The following MANEAL variants were observed in gnomAD, a reference collection of about 807,000 sequenced individuals.
The protein encoded by MANEAL is glycoprotein endo-alpha-1,2-mannosidase-like protein.
MANEAL carries 28 observed loss-of-function variants against 35.9 expected under a neutral mutation model. That is an observed-to-expected ratio of 0.78 (90% CI 0.58 to 1.07). MANEAL has a LOEUF of 1.07. MANEAL is among the 50% of genes least tolerant of loss of function. The pLI, the probability that MANEAL is intolerant of heterozygous loss-of-function variation, is 0.00. For synonymous variants in MANEAL, 286 were observed against 272.2 expected (o/e 1.05, Z -0.50); for missense variants, 576 against 629.6 (o/e 0.91, Z 0.91).
Position 37,794,032 on chromosome 1 carries a change from A to T in MANEAL, c.-151A>T. 1 of 317,868 alleles carries T rather than the reference A, an allele frequency of 3.1e-6. No individual in the cohort carries two copies. The highest frequency in any genetic ancestry group is 4.7e-6 in the Non-Finnish European group (1 of 213,248). The allele number at this position is 317,868 out of a possible 1,614,324, so 19.7% of individuals were successfully genotyped here. ...CGCGCCGCCTGCGTCCTGTGTGCCG[A>T]GCCCGCCCGCACTGCGGGGACAGGC... On this transcript the variant is annotated 5_prime_UTR_variant, in exon 1 of 4. Coordinates refer to ENST00000373045, the MANE Select transcript of MANEAL (RefSeq NM_001113482.2). This position sits in a 1 kb window ranked among gnomAD's most constrained non-coding sequence, Gnocchi z 5.7.
rs957305803 is a variant in MANEAL at position 37,800,304 on chromosome 1, G to A, written c.*101G>A. On this transcript the variant is annotated 3_prime_UTR_variant, in exon 4 of 4. Transcript: ENST00000373045. The stretch of plus-strand genomic sequence containing the variant: ...GTTGTAGCCACTCACTCGTTCCCAG[G>A]TCAGAGGTCAGCAGATGGGTGTTTC... The A allele has an allele frequency of 1.4e-6, 2 of 1,412,842 alleles. No homozygotes were observed. The highest frequency in any genetic ancestry group is 2.0e-5 in the Admixed American group (1 of 50,218). The allele number at this position is 1,412,842 out of a possible 1,614,324, so 87.5% of individuals were successfully genotyped here.
chr1:37,800,294 T>C lies in MANEAL; in HGVS notation c.*91T>C. 6.7e-7 allele frequency: 1 copy of C among 1,487,832 alleles called. No individual in the cohort carries two copies. The highest frequency in any genetic ancestry group is 9.1e-7 in the Non-Finnish European group (1 of 1,101,832). The allele number at this position is 1,487,832 out of a possible 1,614,324, so 92.2% of individuals were successfully genotyped here. On this transcript the variant is annotated 3_prime_UTR_variant, in exon 4 of 4. Transcript: ENST00000373045. ...TTCAGCTGAGGTTGTAGCCACTCAC[T>C]CGTTCCCAGGTCAGAGGTCAGCAGA...
intron 2 of MANEAL, 135 bp downstream of exon 2, chr1:37,795,981 T>C: frequency 1.4e-6 from 1 of 712,690 alleles, no homozygotes; most frequent in Middle Eastern, 2.6e-4. Flanking sequence ...GCAAGTGTGG[T>C]TTTGGGGGAG....
chr1:37,799,771 C>T lies in MANEAL; in HGVS notation c.942C>T (p.Ile314=), dbSNP rs772924478. The change falls in exon 4 of 4, where the codon ATC becomes ATT. Residue 314 remains isoleucine, a synonymous_variant. Transcript: ENST00000373045. The surrounding 1 kb of genome is among the most constrained non-coding windows in gnomAD (Gnocchi z 4.1). The part of the protein sequence containing the change: ...LLVEEGHTHD[I]LAAGFDGMYT... Reference sequence around the variant, plus strand: ...TGGAGGAGGGCCACACCCACGATATCCTGGCCGCCGGATTTGACGGCATGT... The same window carrying T: ...TGGAGGAGGGCCACACCCACGATATTCTGGCCGCCGGATTTGACGGCATGT... 3.1e-6 allele frequency: 5 copies of T among 1,614,218 alleles called. No homozygotes were observed. In the Admixed American group the frequency reaches 8.3e-5, roughly 27 times the overall value.
Position 37,794,487 on chromosome 1 carries a change from A to T in MANEAL, c.305A>T (p.Tyr102Phe), listed in dbSNP as rs376586909. The change falls in exon 1 of 4, where the codon TAC becomes TTC. Residue 102 changes from tyrosine (Y) to phenylalanine (F), a missense_variant. Physicochemically the swap from Tyr to Phe is conservative, Grantham distance 22 (BLOSUM62 3). Transcript: ENST00000373045. The surrounding 1 kb of genome is among the most constrained non-coding windows in gnomAD (Gnocchi z 5.7). ...GCCCCCGTGCAGAGCCTGCGCGTCTACTCGGACCTGCACGCCTTCTACTAC... is the reference window on the plus strand; with the variant it reads ...GCCCCCGTGCAGAGCCTGCGCGTCTTCTCGGACCTGCACGCCTTCTACTAC... ...EPAPVQSLRV[Y>F]SDLHAFYYSW... 6.6e-5 allele frequency: 106 copies of T among 1,601,696 alleles called. No individual in the cohort carries two copies. The highest frequency in any genetic ancestry group is 8.4e-5 in the Non-Finnish European group (99 of 1,175,630).
At chr1:37,795,619 G>C (rs999380993) in intron 1 of MANEAL, 118 bp from the exon 2 acceptor site, 31 of 1,540,880 alleles carry the variant, frequency 2.0e-5, no homozygotes, top group Non-Finnish European at 2.7e-5. Flanking sequence ...AACCTGGCAG[G>C]AGGCTTGCTT....
Position 37,801,106 on chromosome 1 carries a change from G to A in MANEAL, c.*903G>A, listed in dbSNP as rs1646695574. Reference sequence around the variant, plus strand: ...ATGTTCAGTGCTACTGTGATTAGTAGTAATTAAATATGAACTGGTATTCTC... The same window carrying A: ...ATGTTCAGTGCTACTGTGATTAGTAATAATTAAATATGAACTGGTATTCTC... On this transcript the variant is annotated 3_prime_UTR_variant, in exon 4 of 4. Coordinates refer to ENST00000373045, the MANE Select transcript of MANEAL (RefSeq NM_001113482.2). 1 of 152,636 alleles carries A rather than the reference G, an allele frequency of 6.6e-6. No individual in the cohort carries two copies. 9.5% of individuals were successfully genotyped at this position (152,636 alleles called of 1,614,324 possible). A position where few individuals can be genotyped will look rare whatever the true frequency, so the allele number is the denominator to read the frequency against.
In MANEAL at chr1:37,800,100, G is replaced by A. The variant is rs145850430; in HGVS notation, c.1271G>A (p.Arg424His). 47 of 1,613,618 alleles carry A rather than the reference G, an allele frequency of 2.9e-5. No homozygotes were observed. The highest frequency in any genetic ancestry group is 8.0e-5 in the African/African-American group (6 of 74,926). ...GCCATTCCCAAGAAGACACCCACCC[G>A]CCTGTATTTGGACTACCTGCCTCAC... ...EKAIPKKTPTRLYLDYLPHQP... is the reference protein window; with the variant it reads ...EKAIPKKTPTHLYLDYLPHQP... Residue 424 changes from arginine to histidine, a missense_variant, in exon 4 of 4, where the codon CGC (arginine) becomes CAC (histidine). Physicochemically the swap from Arg to His is conservative, Grantham distance 29 (BLOSUM62 0). This residue lies in a region of MANEAL where 449 missense variants were observed against 516.1 expected (regional missense o/e 0.87). Transcript: ENST00000373045.
chr1:37,795,971 G>A, intron 2 of MANEAL, 125 bp downstream of exon 2: 2 of 763,130 alleles, frequency 2.6e-6, no homozygotes, highest in South Asian at 3.6e-5. Context: ...CAAATATGTG[G>A]CAAGTGTGGT....
intron 3 of MANEAL, among the ~76,000 whole-genome samples, chr1:37,797,988 G>GA (rs916034044): frequency 8.7e-5 from 13 of 148,922 alleles, no homozygotes; most frequent in Admixed American, 2.0e-4. Context: ...CATCTCTACT[G>GA]AAAAAAAAAA....
At chr1:37,795,902 C>T in intron 2 of MANEAL, 56 bp downstream of exon 2, 1 of 1,492,888 alleles carries the variant, frequency 6.7e-7, no homozygotes, top group Non-Finnish European at 9.3e-7. Flanking sequence ...GAGTTGCTCT[C>T]CTCCGCCCAC....
At position 37,799,468 on chromosome 1, in the gene MANEAL, C is replaced by T; in HGVS notation, c.738-99C>T. 1 of 1,363,486 alleles carries T rather than the reference C, an allele frequency of 7.3e-7. No individual in the cohort carries two copies. 84.5% of individuals were successfully genotyped at this position (1,363,486 alleles called of 1,614,324 possible). A position where few individuals can be genotyped will look rare whatever the true frequency, so the allele number is the denominator to read the frequency against. Reference sequence around the variant, plus strand: ...TCCAACTGTGGAGACTGACTGGCTCCAGAACTGGGCTGTGTTGCATCCGTA... The same window carrying T: ...TCCAACTGTGGAGACTGACTGGCTCTAGAACTGGGCTGTGTTGCATCCGTA... On this transcript the variant is annotated intron_variant, in intron 3 of 3. Transcript: ENST00000373045. The surrounding 1 kb of genome is among the most constrained non-coding windows in gnomAD (Gnocchi z 4.1).
At chr1:37,796,969 C>T (rs1314639144) in intron 3 of MANEAL, 149 bp downstream of exon 3, 2 of 768,764 alleles carry the variant, frequency 2.6e-6, no homozygotes, top group Non-Finnish European at 4.2e-6. Context: ...GGCCTAAAGT[C>T]AGGCAGCCTG....
At chr1:37,795,596 T>C (rs964778466) in intron 1 of MANEAL, 141 bp from the exon 2 acceptor site, 10 of 1,490,746 alleles carry the variant, frequency 6.7e-6, no homozygotes, top group Admixed American at 6.6e-5. Flanking sequence ...CTGGGACTCA[T>C]CTGCAGGAAG....
chr1:37,797,475 T>C (rs1252294970), intron 3 of MANEAL, among the ~76,000 whole-genome samples: 1 of 151,020 alleles, frequency 6.6e-6, no homozygotes, highest in African/African-American at 2.4e-5. Flanking sequence ...TTTTTTTTTT[T>C]TTTTTCTTTT....
chr1:37,795,950 CA>C, intron 2 of MANEAL, 104 bp downstream of exon 2: 1 of 940,462 alleles, frequency 1.1e-6, no homozygotes, highest in South Asian at 1.5e-5. Context: ...GGCAGTAGCC[CA>C]AAGGGATAAC....
Position 37,799,658 on chromosome 1 carries a change from CCT to C in MANEAL, c.830_831del (p.Pro277ArgfsTer43), listed in dbSNP as rs1557574824. ...TATCTACGACTCATACCTGACGTCC[CCT>C]GAGGCCTGGGCCCACCTCCTGACAC... ...FYIYDSYLTSPEAWAHLLTPN... is the reference protein window; with the variant it reads ...FYIYDSYLTSXEAWAHLLTPN... On this transcript the variant is annotated frameshift_variant, in exon 4 of 4. Coordinates refer to ENST00000373045, the MANE Select transcript of MANEAL (RefSeq NM_001113482.2). LOFTEE classifies it high-confidence loss of function. This position sits in a 1 kb window ranked among gnomAD's most constrained non-coding sequence, Gnocchi z 4.1. The C allele has an allele frequency of 6.2e-7, 1 of 1,614,202 alleles. No individual in the cohort carries two copies. Among genetic ancestry groups the C allele is most frequent in the South Asian group, 1.1e-5 (1 of 91,082 alleles).
chr1:37,795,827 C>T lies in MANEAL; in HGVS notation c.641C>T (p.Ala214Val). The T allele has an allele frequency of 6.2e-7, 1 of 1,613,948 alleles. No individual in the cohort carries two copies. Residue 214 changes from alanine (A) to valine (V), a missense_variant, in exon 2 of 4, where the codon GCC (alanine) becomes GTC (valine). Ala to Val is a moderately conservative substitution (Grantham distance 64, BLOSUM62 0). Coordinates refer to ENST00000373045, the MANE Select transcript of MANEAL (RefSeq NM_001113482.2). ...DDLVPAILDTAHQYSIQVAFH... is the reference protein window; with the variant it reads ...DDLVPAILDTVHQYSIQVAFH... The stretch of plus-strand genomic sequence containing the variant: ...CTGGTGCCCGCCATTCTGGACACCG[C>T]CCATCAGTACAGCATCCAGGTGAGT...
chr1:37,796,805 A>G lies in MANEAL; in HGVS notation c.722A>G (p.Lys241Arg), dbSNP rs1646649262. The G allele has an allele frequency of 6.2e-7, 1 of 1,610,382 alleles. No individual in the cohort carries two copies. The highest frequency in any genetic ancestry group is 2.2e-5 in the East Asian group (1 of 44,824). ...GACATCACTGTACATGACAACATCA[A>G]GTACATCATTGACACGTAAGGCTGC... ...RDDITVHDNI[K>R]YIIDTYGSHG... Residue 241 changes from lysine to arginine, a missense_variant, in exon 3 of 4, where the codon AAG becomes AGG. By Grantham distance (26) the Lys-to-Arg change is conservative (BLOSUM62 2). Coordinates refer to ENST00000373045, the MANE Select transcript of MANEAL (RefSeq NM_001113482.2).
Sources: allele counts gnomAD v4.1 joint callset (sites outside exome capture counted in the v4.1 genomes callset), GRCh38; gene constraint gnomAD v4.1.1; regional missense constraint gnomAD v4.1.1; non-coding constraint Gnocchi (gnomAD v3.1); transcripts MANE v1.5; gene names NCBI Gene and HGNC (gene_info 2026-07-23, HGNC 2026-07-21).